Variants in SEZ6L observed in about 807,000 individuals in gnomAD.
The protein encoded by SEZ6L is seizure 6-like protein.
A neutral mutation model predicts 106.2 loss-of-function variants in SEZ6L; 37 were observed. The observed-to-expected ratio is 0.35, with a 90% CI of 0.27 to 0.46. The LOEUF (loss-of-function observed/expected upper bound fraction) is 0.46, where lower values mean the gene tolerates loss of function less well. Ranked by LOEUF, SEZ6L falls within the 20% of genes least tolerant of loss-of-function variation. The pLI, the probability that SEZ6L is intolerant of heterozygous loss-of-function variation, is 1.00. For missense variants in SEZ6L, 1,172 were observed against 1,332.8 expected (o/e 0.88, Z 1.88); for synonymous variants, 541 against 570.4 (o/e 0.95, Z 0.73).
rs1487130362 is a variant in SEZ6L at position 26,332,154 on chromosome 22, T to G, written c.2016-8282T>G. Among the ~76,000 whole-genome samples the G allele has an allele frequency of 5.4e-5, 8 of 147,168 alleles. No homozygotes were observed. The South Asian group carries it at 6.6e-4, about 12-fold the overall frequency. ...GAAGAGAGGATTTTCAATGTTTTTTTTTTTTTTTTTTTTGAGACAGGGTCT... is the reference window on the plus strand; with the variant it reads ...GAAGAGAGGATTTTCAATGTTTTTTGTTTTTTTTTTTTTGAGACAGGGTCT... On this transcript the variant is annotated intron_variant, in intron 9 of 16. Transcript: ENST00000248933.
At chr22:26,236,496 T>C (rs1161523741) in intron 1 of SEZ6L, among the ~76,000 whole-genome samples, 2 of 152,200 alleles carry the variant, frequency 1.3e-5, no homozygotes, top group Non-Finnish European at 2.9e-5. Flanking sequence ...ATACTGGGTA[T>C]GGAAACAGGA....
chr22:26,331,024 CT>C (rs1396535731), intron 9 of SEZ6L, among the ~76,000 whole-genome samples: 1 of 152,196 alleles, frequency 6.6e-6, no homozygotes, highest in Non-Finnish European at 1.5e-5. Flanking sequence ...AGAAAGGTGG[CT>C]TGCTCATCAT....
At chr22:26,360,605 C>G (rs958408576) in intron 12 of SEZ6L, among the ~76,000 whole-genome samples, 4 of 152,160 alleles carry the variant, frequency 2.6e-5, no homozygotes, top group African/African-American at 4.8e-5. Flanking sequence ...TTTTTCTGCA[C>G]TGCAGGTAAT....
intron 12 of SEZ6L, among the ~76,000 whole-genome samples, chr22:26,355,012 G>C (rs929975251): frequency 1.3e-5 from 2 of 152,220 alleles, no homozygotes; most frequent in African/African-American, 4.8e-5. Flanking sequence ...CTGGCAGCGC[G>C]GCTCCTGAGT....
intron 1 of SEZ6L, among the ~76,000 whole-genome samples, chr22:26,193,356 G>T (rs1266421885): frequency 6.6e-6 from 1 of 152,096 alleles, no homozygotes; most frequent in Non-Finnish European, 1.5e-5. Flanking sequence ...CTTTTTTAAT[G>T]ATGAAGCATG....
chr22:26,240,110 A>ACG (rs1240710157), intron 1 of SEZ6L, among the ~76,000 whole-genome samples: 27 of 150,846 alleles, frequency 1.8e-4, no homozygotes, highest in Non-Finnish European at 2.5e-4. Context: ...ACACACACAC[A>ACG]CACACACACA....
In SEZ6L at chr22:26,324,730, G is replaced by A. The variant is rs536575373; in HGVS notation, c.2015+10828G>A. On this transcript the variant is annotated intron_variant, in intron 9 of 16. Transcript: ENST00000248933. Reference sequence around the variant, plus strand: ...TTTCCCTGGAGCCAAAAGTTCGAAGGAATTAGAGAAGGAGCAGAAAATTTC... The same window carrying A: ...TTTCCCTGGAGCCAAAAGTTCGAAGAAATTAGAGAAGGAGCAGAAAATTTC... Among the ~76,000 whole-genome samples the A allele has an allele frequency of 9.2e-5, 14 of 152,278 alleles. No homozygotes were observed. The East Asian group carries it at 2.7e-3, about 29-fold the overall frequency.
chr22:26,348,685 A>G (rs1476266844), intron 11 of SEZ6L, among the ~76,000 whole-genome samples: 1 of 80,412 alleles, frequency 1.2e-5, no homozygotes, highest in East Asian at 3.8e-4. Context: ...AAAGAAAGAA[A>G]GAAAGAAAGA....
intron 9 of SEZ6L, among the ~76,000 whole-genome samples, chr22:26,336,667 G>C (rs557726541): frequency 1.2e-4 from 19 of 152,242 alleles, no homozygotes; most frequent in African/African-American, 3.9e-4. Context: ...ATTTATATAA[G>C]TCATGGTTTC....
intron 1 of SEZ6L, among the ~76,000 whole-genome samples, chr22:26,208,059 G>A (rs1262941341): frequency 1.3e-5 from 2 of 151,802 alleles, no homozygotes; most frequent in Non-Finnish European, 2.9e-5. Context: ...ACAGGCGCGC[G>A]CCACCATGCC....
intron 5 of SEZ6L, 141 bp downstream of exon 5, chr22:26,299,310 T>C: frequency 1.7e-6 from 1 of 590,798 alleles, no homozygotes; most frequent in Non-Finnish European, 2.6e-6. Flanking sequence ...TGACTATTGT[T>C]ATTTATGTTT....
intron 1 of SEZ6L, among the ~76,000 whole-genome samples, chr22:26,266,288 C>T (rs773614895): frequency 2.6e-5 from 4 of 151,552 alleles, no homozygotes; most frequent in South Asian, 2.1e-4. Context: ...CAGCTGGGCA[C>T]GGTGGCTTAC....
At chr22:26,331,598 G>GT (rs2145968912) in intron 9 of SEZ6L, among the ~76,000 whole-genome samples, 1 of 152,250 alleles carries the variant, frequency 6.6e-6, no homozygotes, top group South Asian at 2.1e-4. Context: ...TGCAAACTCT[G>GT]TTATACCTGA....
Position 26,310,100 on chromosome 22 carries a change from G to A in SEZ6L, c.1515-570G>A, listed in dbSNP as rs116866514. Among the ~76,000 whole-genome samples the A allele has an allele frequency of 1.7e-4, 26 of 152,294 alleles. No homozygotes were observed. The East Asian group carries it at 3.5e-3, about 20-fold the overall frequency. On this transcript the variant is annotated intron_variant, in intron 6 of 16. Transcript: ENST00000248933. ...ATAGTCAACATCAATTCATTAGTTC[G>A]TCGTTTGGTTTATTACATCATATAC... is the stretch of plus-strand genomic sequence containing the variant.
At chr22:26,240,495 T>C (rs565328615) in intron 1 of SEZ6L, among the ~76,000 whole-genome samples, 1 of 152,172 alleles carries the variant, frequency 6.6e-6, no homozygotes, top group Non-Finnish European at 1.5e-5. Context: ...GGACTGAGTA[T>C]GTAGTTAATG....
intron 1 of SEZ6L, among the ~76,000 whole-genome samples, chr22:26,252,045 A>G (rs1416836621): frequency 6.6e-6 from 1 of 152,182 alleles, no homozygotes; most frequent in African/African-American, 2.4e-5. Flanking sequence ...CAGCAGCAGC[A>G]TCAGCGACAG....
chr22:26,248,026 G>A (rs772563784), intron 1 of SEZ6L, among the ~76,000 whole-genome samples: 3 of 152,194 alleles, frequency 2.0e-5, no homozygotes, highest in Non-Finnish European at 4.4e-5. Flanking sequence ...TTCTGTCTGT[G>A]TCTCCATCAC....
At chr22:26,375,461 C>G (rs1161571708) in intron 14 of SEZ6L, 114 bp from the exon 15 acceptor site, 9 of 793,978 alleles carry the variant, frequency 1.1e-5, no homozygotes, top group East Asian at 2.6e-5. Flanking sequence ...AAGGCCCTCC[C>G]AGAGCCTTAG....
At chr22:26,219,053 A>G (rs1207309056) in intron 1 of SEZ6L, among the ~76,000 whole-genome samples, 1 of 152,208 alleles carries the variant, frequency 6.6e-6, no homozygotes, top group Non-Finnish European at 1.5e-5. Context: ...GCCTTAAATC[A>G]TTCCCCAGCC....
Sources: allele counts gnomAD v4.1 joint callset (sites outside exome capture counted in the v4.1 genomes callset), GRCh38; gene constraint gnomAD v4.1.1; transcripts MANE v1.5; gene names NCBI Gene and HGNC (gene_info 2026-07-23, HGNC 2026-07-21).